The following SLC28A3 variants were observed in gnomAD, a reference collection of about 807,000 sequenced individuals.
SLC28A3 encodes concentrative Na(+)-nucleoside cotransporter 3.
In SLC28A3, 68 loss-of-function variants were observed where a neutral mutation model predicts 84.2. The ratio of observed to expected loss-of-function variants is 0.81; its 90% CI spans 0.66 to 0.99. The LOEUF (loss-of-function observed/expected upper bound fraction) is 0.99. SLC28A3 is among the 50% of genes least tolerant of loss of function. The pLI, the probability that SLC28A3 is intolerant of heterozygous loss-of-function variation, is 0.00. For synonymous variants in SLC28A3, 267 were observed against 303.6 expected, an observed-to-expected ratio of 0.88 and a Z score of 1.25; for missense variants, 712 against 841.5, an observed-to-expected ratio of 0.85 and a Z score of 1.90.
intron 2 of SLC28A3, chr9:84,310,333 G>T (rs1825948476): frequency 1.1e-6 from 1 of 916,218 alleles, no homozygotes; most frequent in Non-Finnish European, 1.3e-6. Context: ...TTTTTTCATG[G>T]ACAATCTTTC....
At position 84,292,475 on chromosome 9, in the gene SLC28A3, G is replaced by GTCTCTC. The variant is rs57280644; in HGVS notation, c.1023+187_1023+192dup. 2.6e-3 allele frequency: 968 copies of GTCTCTC among 376,554 alleles called. 7 individuals are homozygous for GTCTCTC. The highest frequency in any genetic ancestry group is 0.019 in the African/African-American group (817 of 42,872). 23.3% of individuals were successfully genotyped at this position (376,554 alleles called of 1,614,324 possible). ...TCTCTGTCTCTCTGTCTCTCTCTCTGTCTCTCTCTCTCTCTCTCTCTGTCT... is the reference window on the plus strand; with the variant it reads ...TCTCTGTCTCTCTGTCTCTCTCTCTGTCTCTCTCTCTCTCTCTCTCTCTCTCTGTCT... On this transcript the variant is annotated intron_variant, in intron 10 of 17. Transcript: ENST00000376238.
chr9:84,298,156 C>T (rs1825487244), intron 6 of SLC28A3, 137 bp from the exon 7 acceptor site: 1 of 702,604 alleles, frequency 1.4e-6, no homozygotes, highest in African/African-American at 1.8e-5. Context: ...GAGGCTACAG[C>T]TGTCATAAGC....
intron 6 of SLC28A3, among the ~76,000 whole-genome samples, chr9:84,298,290 C>T (rs1825494778): frequency 6.6e-6 from 1 of 152,104 alleles, no homozygotes; most frequent in Non-Finnish European, 1.5e-5. Context: ...AGTTTGAGAC[C>T]AGCCTGGCCA....
At chr9:84,331,192 CT>C (rs1382843908) in intron 1 of SLC28A3, among the ~76,000 whole-genome samples, 2 of 152,094 alleles carry the variant, frequency 1.3e-5, no homozygotes, top group Non-Finnish European at 2.9e-5. Flanking sequence ...ATATACTTTT[CT>C]TTTTTAACCT....
intron 4 of SLC28A3, 121 bp from the exon 5 acceptor site, chr9:84,302,510 A>G: frequency 1.1e-6 from 1 of 919,016 alleles, no homozygotes; most frequent in South Asian, 1.8e-5. Flanking sequence ...CACTGAATGC[A>G]GGAGTGCTCT....
the SLC28A3 span, among the ~76,000 whole-genome samples, chr9:84,351,913 T>C: frequency 6.7e-6 from 1 of 150,078 alleles, no homozygotes. Context: ...TGTATATGAG[T>C]ATGAGAGAGA....
rs548941232 is a variant in SLC28A3, at chr9:84,321,234, C to A, written c.61-7780G>T. 8.6e-4 allele frequency among the ~76,000 whole-genome samples: 131 copies of A among 152,142 alleles called. 2 individuals are homozygous for A. The highest frequency in any genetic ancestry group is 3.1e-3 in the African/African-American group (127 of 41,500). ...ATCTCATTGAATCTATCAGTGGAAACCAAGATTATTCTTACTCTCATTTGC... is the reference window on the plus strand; with the variant it reads ...ATCTCATTGAATCTATCAGTGGAAAACAAGATTATTCTTACTCTCATTTGC... On this transcript the variant is annotated intron_variant, in intron 1 of 17. Transcript: ENST00000376238.
chr9:84,322,132 T>C (rs1826400716), intron 1 of SLC28A3, among the ~76,000 whole-genome samples: 2 of 152,258 alleles, frequency 1.3e-5, no homozygotes, highest in African/African-American at 4.8e-5. Flanking sequence ...ACAACACCTG[T>C]CTGTGAAGCA....
chr9:84,303,904 T>C (rs1396314539), intron 4 of SLC28A3, among the ~76,000 whole-genome samples: 2 of 152,240 alleles, frequency 1.3e-5, no homozygotes, highest in Non-Finnish European at 2.9e-5. Flanking sequence ...CTATAGCTTA[T>C]TGAATACTTA....
At chr9:84,352,383 C>G in the SLC28A3 span, among the ~76,000 whole-genome samples, 5,248 of 151,796 alleles carry the variant, frequency 0.035, 183 homozygotes, top group East Asian at 0.17. Context: ...TGGGGTTTCA[C>G]TATGTTGGCC....
chr9:84,325,041 A>G (rs1360507124), intron 1 of SLC28A3, among the ~76,000 whole-genome samples: 3 of 152,222 alleles, frequency 2.0e-5, no homozygotes, highest in Non-Finnish European at 1.5e-5. Context: ...TTACAAATGT[A>G]GTTTTAAGCT....
intron 1 of SLC28A3, among the ~76,000 whole-genome samples, chr9:84,314,707 T>A (rs1195668175): frequency 1.3e-5 from 2 of 152,230 alleles, no homozygotes; most frequent in African/African-American, 4.8e-5. Flanking sequence ...ACACTAACAA[T>A]GTTTTGAATT....
At chr9:84,283,036 AG>A (rs1195437301) in intron 14 of SLC28A3, among the ~76,000 whole-genome samples, 9 of 70,088 alleles carry the variant, frequency 1.3e-4, no homozygotes, top group Non-Finnish European at 2.1e-4. Context: ...CATTTAGTTC[AG>A]TTCAGCTGGC....
At chr9:84,301,122 G>A (rs966768062) in intron 5 of SLC28A3, among the ~76,000 whole-genome samples, 70 of 152,110 alleles carry the variant, frequency 4.6e-4, no homozygotes, top group Non-Finnish European at 6.2e-4. Flanking sequence ...GGCTGAGGCA[G>A]GAGGATCACT....
Position 84,299,722 on chromosome 9 carries a change from C to T in SLC28A3, c.528G>A (p.Val176=). ...LNSHWFWLKW[V]IWSSLVLAVI... is the part of the protein sequence containing the mutation. ...CTGCTAGGACCAGGGAGCTCCAGAT[C>T]ACCCTAAGAGAAGGGGAAAGGAGGC... The change falls in exon 6 of 18, where the codon GTG becomes GTA. Residue 176 remains valine (V), a synonymous_variant. Transcript: ENST00000376238. 3 of 1,595,778 alleles carry T rather than the reference C, an allele frequency of 1.9e-6. No individual in the cohort carries two copies. The highest frequency in any genetic ancestry group is 2.6e-6 in the Non-Finnish European group (3 of 1,174,832).
At chr9:84,314,721 G>A (rs904622055) in intron 1 of SLC28A3, among the ~76,000 whole-genome samples, 6 of 152,174 alleles carry the variant, frequency 3.9e-5, no homozygotes, top group Non-Finnish European at 8.8e-5. Flanking sequence ...TTGAATTAAT[G>A]ACCCACAGTA....
chr9:84,313,884 A>G (rs1483755524), intron 1 of SLC28A3, among the ~76,000 whole-genome samples: 1 of 146,524 alleles, frequency 6.8e-6, no homozygotes, highest in Non-Finnish European at 1.5e-5. Context: ...AAAAAAAAAG[A>G]AAAGAAAAGA....
chr9:84,327,180 C>G (rs1480102941), intron 1 of SLC28A3, among the ~76,000 whole-genome samples: 1 of 151,604 alleles, frequency 6.6e-6, no homozygotes, highest in Non-Finnish European at 1.5e-5. Context: ...TTTCTGTGAC[C>G]ATTAGGGGCC....
At chr9:84,307,437 A>AAAAAACAAC (rs1825836403) in intron 3 of SLC28A3, among the ~76,000 whole-genome samples, 1 of 111,008 alleles carries the variant, frequency 9.0e-6, no homozygotes, top group African/African-American at 3.3e-5. Flanking sequence ...TCTCAAAAAA[A>AAAAAACAAC]AAAAAAAACA....
Sources: allele counts gnomAD v4.1 joint callset (sites outside exome capture counted in the v4.1 genomes callset), GRCh38; gene constraint gnomAD v4.1.1; transcripts MANE v1.5; gene names NCBI Gene and HGNC (gene_info 2026-07-23, HGNC 2026-07-21).